ADAMTSL1: variants seen among roughly 807,000 people sequenced by gnomAD.
ADAMTSL1 encodes the protein ADAMTS like 1.
ADAMTSL1 carries 126 observed loss-of-function variants against 201.8 expected under a neutral mutation model. That is an observed-to-expected ratio of 0.62 (90% CI 0.54 to 0.72). The LOEUF is 0.72. ADAMTSL1 is among the 30% of genes least tolerant of loss of function. The pLI is 0.00. For synonymous variants in ADAMTSL1, 1,121 were observed against 903.4 expected, an observed-to-expected ratio of 1.24 and a Z score of -4.32; for missense variants, 2,679 against 2,277.8, an observed-to-expected ratio of 1.18 and a Z score of -3.59.
intron 1 of ADAMTSL1, among the ~76,000 whole-genome samples, chr9:18,073,540 C>T (rs993496089): frequency 6.6e-6 from 1 of 152,030 alleles, no homozygotes; most frequent in Non-Finnish European, 1.5e-5. Context: ...TGGGTGGGGT[C>T]CATTGTGTAT....
At chr9:18,313,125 A>T (rs1834220884) in intron 2 of ADAMTSL1, among the ~76,000 whole-genome samples, 1 of 152,240 alleles carries the variant, frequency 6.6e-6, no homozygotes, top group South Asian at 2.1e-4. Context: ...TTGCTGGGCT[A>T]CACTTCCAGA....
At chr9:18,728,941 A>G (rs1818057116) in intron 15 of ADAMTSL1, among the ~76,000 whole-genome samples, 1 of 152,244 alleles carries the variant, frequency 6.6e-6, no homozygotes, top group Non-Finnish European at 1.5e-5. Context: ...CTGGCTGCTC[A>G]TCCAAGAAAG....
intron 2 of ADAMTSL1, among the ~76,000 whole-genome samples, chr9:18,443,341 A>G (rs950467384): frequency 3.9e-5 from 6 of 152,186 alleles, no homozygotes; most frequent in African/African-American, 1.4e-4. Flanking sequence ...CTAGCTGAGG[A>G]TACATTACTT....
At chr9:18,746,837 G>A (rs1394314315) in intron 15 of ADAMTSL1, among the ~76,000 whole-genome samples, 1 of 151,058 alleles carries the variant, frequency 6.6e-6, no homozygotes. Context: ...CTGCCAAGAA[G>A]GGTCAACCAT....
intron 2 of ADAMTSL1, among the ~76,000 whole-genome samples, chr9:18,412,476 T>C (rs1037131887): frequency 6.6e-6 from 1 of 152,200 alleles, no homozygotes; most frequent in Non-Finnish European, 1.5e-5. Flanking sequence ...TAACTCTTTT[T>C]CATAAAAGAA....
rs1461757864 is a variant in ADAMTSL1, at chr9:18,675,845, T to A, written c.1086-12T>A. On this transcript the variant is annotated splice_polypyrimidine_tract_variant and intron_variant, in intron 9 of 28. Coordinates refer to ENST00000380548, the MANE Select transcript of ADAMTSL1 (RefSeq NM_001040272.6). ...CTTCTACTCAGAGGGTTGGCATTAT[T>A]GTTCCTAACAGTGACGGATACAAGC... is the stretch of plus-strand genomic sequence containing the variant. 3 of 1,612,776 alleles carry A rather than the reference T, an allele frequency of 1.9e-6. No homozygotes were observed. Among genetic ancestry groups the A allele is most frequent in the Non-Finnish European group, 2.5e-6 (3 of 1,178,950 alleles).
chr9:18,217,191 GC>G (rs1830085717), intron 2 of ADAMTSL1, among the ~76,000 whole-genome samples: 1 of 152,136 alleles, frequency 6.6e-6, no homozygotes, highest in Admixed American at 6.5e-5. Flanking sequence ...AGAAAGTTAG[GC>G]CCTGGGTTCC....
At chr9:18,348,907 T>G (rs1835841647) in intron 2 of ADAMTSL1, among the ~76,000 whole-genome samples, 1 of 152,234 alleles carries the variant, frequency 6.6e-6, no homozygotes, top group African/African-American at 2.4e-5. Flanking sequence ...TACCATTTAT[T>G]GAACGTGTAT....
intron 2 of ADAMTSL1, among the ~76,000 whole-genome samples, chr9:18,314,612 G>T (rs1834290293): frequency 6.6e-6 from 1 of 151,710 alleles, no homozygotes; most frequent in African/African-American, 2.4e-5. Flanking sequence ...TGGTCTCGCT[G>T]GCCTCATGAG....
intron 4 of ADAMTSL1, among the ~76,000 whole-genome samples, chr9:18,576,122 C>T (rs145151402): frequency 3.3e-5 from 5 of 151,942 alleles, no homozygotes; most frequent in African/African-American, 7.2e-5. Flanking sequence ...AGAGCAAATA[C>T]GGTATAATTT....
intron 23 of ADAMTSL1, among the ~76,000 whole-genome samples, chr9:18,840,889 ATCC>A (rs1825673569): frequency 6.7e-6 from 1 of 148,244 alleles, no homozygotes; most frequent in African/African-American, 2.5e-5. Context: ...TTGATTTTGT[ATCC>A]TGAGACTTTG....
intron 1 of ADAMTSL1, among the ~76,000 whole-genome samples, chr9:18,071,311 T>C (rs928504117): frequency 1.3e-5 from 2 of 152,210 alleles, no homozygotes; most frequent in South Asian, 4.1e-4. Flanking sequence ...ATGGGAGTGC[T>C]TTAGAATTTG....
intron 3 of ADAMTSL1, among the ~76,000 whole-genome samples, chr9:18,572,009 A>T (rs1434660859): frequency 6.6e-6 from 1 of 152,114 alleles, no homozygotes; most frequent in East Asian, 1.9e-4. Context: ...CCTGGCCAAC[A>T]TGGCAAAACC....
chr9:18,307,557 A>T (rs1193757329), intron 2 of ADAMTSL1, among the ~76,000 whole-genome samples: 1 of 152,192 alleles, frequency 6.6e-6, no homozygotes, highest in African/African-American at 2.4e-5. Flanking sequence ...ATTCTCTCAT[A>T]AAACAGACTT....
intron 1 of ADAMTSL1, among the ~76,000 whole-genome samples, chr9:18,085,759 ATG>A (rs1304845520): frequency 1.3e-5 from 2 of 151,028 alleles, no homozygotes; most frequent in South Asian, 2.1e-4. Context: ...ATACATATAT[ATG>A]TGTGTGTGTA....
In ADAMTSL1 at chr9:17,928,264, G is replaced by T. The variant is rs149580812; in HGVS notation, c.87+21342G>T. Among the ~76,000 whole-genome samples the T allele has an allele frequency of 5.9e-3, 902 of 152,230 alleles. 9 individuals carry two copies. The highest frequency in any genetic ancestry group is 8.7e-3 in the Non-Finnish European group (595 of 68,020). On this transcript the variant is annotated intron_variant, in intron 1 of 29. Transcript: ENST00000680146. ...TCTACCTGCCTCAGCTTCCCAAAGT[G>T]CTGGGATTACAGATGTTAGCCACTG...
intron 2 of ADAMTSL1, among the ~76,000 whole-genome samples, chr9:18,387,047 A>G (rs1253869814): frequency 6.6e-6 from 1 of 152,132 alleles, no homozygotes; most frequent in Non-Finnish European, 1.5e-5. Context: ...GATGTTCACG[A>G]AATATTGTTA....
chr9:18,626,880 TTCCTTCCTTCCTTC>T (rs1826411286), intron 5 of ADAMTSL1, among the ~76,000 whole-genome samples: 1 of 147,624 alleles, frequency 6.8e-6, no homozygotes. Flanking sequence ...TCTTTCTTCC[TTCCTTCCTTCCTTC>T]CTTCCTTTCT....
At chr9:18,083,408 G>C (rs1415630264) in intron 1 of ADAMTSL1, among the ~76,000 whole-genome samples, 1 of 152,206 alleles carries the variant, frequency 6.6e-6, no homozygotes, top group African/African-American at 2.4e-5. Context: ...AAATCTTTTA[G>C]TGCCAATGAG....
Sources: allele counts gnomAD v4.1 joint callset (sites outside exome capture counted in the v4.1 genomes callset), GRCh38; gene constraint gnomAD v4.1.1; transcripts MANE v1.5; gene names NCBI Gene and HGNC (gene_info 2026-07-23, HGNC 2026-07-21).